RAB8B: variants seen among roughly 807,000 people sequenced by gnomAD.
RAB8B encodes ras-related protein Rab-8B.
In RAB8B, 11 loss-of-function variants were observed where a neutral mutation model predicts 32.0. The ratio of observed to expected loss-of-function variants is 0.34; its 90% CI spans 0.22 to 0.57. RAB8B has a LOEUF of 0.57. RAB8B is among the 20% of genes least tolerant of loss of function. RAB8B has a pLI of 0.86. For synonymous variants in RAB8B, 103 were observed against 89.6 expected (o/e 1.15, Z -0.85); for missense variants, 190 against 258.5 (o/e 0.73, Z 1.82).
intron 3 of RAB8B, among the ~76,000 whole-genome samples, chr15:63,253,480 G>C (rs2038133295): frequency 1.3e-5 from 2 of 152,130 alleles, no homozygotes; most frequent in African/African-American, 2.4e-5. Flanking sequence ...TGAAGTGATA[G>C]TTCTAGTACC....
At chr15:63,200,816 T>C (rs1377077947) in intron 1 of RAB8B, among the ~76,000 whole-genome samples, 1 of 152,258 alleles carries the variant, frequency 6.6e-6, no homozygotes, top group Non-Finnish European at 1.5e-5. Flanking sequence ...TGTTTTTTAA[T>C]TTCAAATCTA....
At chr15:63,216,156 CCTCT>C (rs1392183639) in intron 1 of RAB8B, among the ~76,000 whole-genome samples, 1 of 151,540 alleles carries the variant, frequency 6.6e-6, no homozygotes, top group Admixed American at 6.6e-5. Flanking sequence ...TGTGATTTCT[CCTCT>C]CTTTTAACAT....
Position 63,244,782 on chromosome 15 carries a change from G to A in RAB8B, c.151G>A (p.Glu51Lys), listed in dbSNP as rs1024618088. The A allele has an allele frequency of 6.3e-7, 1 of 1,582,144 alleles. No homozygotes were observed. Among genetic ancestry groups the A allele is most frequent in the Non-Finnish European group, 8.7e-7 (1 of 1,154,094 alleles). ...IGIDFKIRTI[E>K]LDGKKIKLQI... ...AATTGATTTTAAAATTAGAACGATA[G>A]AACTAGATGGAAAGAAAATTAAGCT... Residue 51 changes from glutamate (E) to lysine (K), a missense_variant, in exon 2 of 8, where the codon GAA becomes AAA. Coordinates refer to ENST00000321437, the MANE Select transcript of RAB8B (RefSeq NM_016530.3).
intron 2 of RAB8B, among the ~76,000 whole-genome samples, chr15:63,246,356 C>T (rs1042469986): frequency 6.6e-6 from 1 of 152,206 alleles, no homozygotes; most frequent in Non-Finnish European, 1.5e-5. Flanking sequence ...GTTGTCACCT[C>T]TACTTCTGAC....
chr15:63,259,583 CAAGT>C lies in RAB8B; in HGVS notation c.415-42_415-39del, dbSNP rs2038186816. ...AAGAAATACAAATGCATTATGTGTT[CAAGT>C]ATCTTTTGCTAAATTTAAATATTTC... On this transcript the variant is annotated intron_variant, in intron 5 of 7. Transcript: ENST00000321437. This position sits in a 1 kb window ranked among gnomAD's most constrained non-coding sequence, Gnocchi z 4.4. The C allele has an allele frequency of 6.6e-7, 1 of 1,526,624 alleles. No homozygotes were observed. The highest frequency in any genetic ancestry group is 1.4e-5 in the African/African-American group (1 of 73,048). The allele number at this position is 1,526,624 out of a possible 1,614,324, so 94.6% of individuals were successfully genotyped here.
At chr15:63,235,363 G>T (rs2037969509) in intron 1 of RAB8B, among the ~76,000 whole-genome samples, 1 of 151,924 alleles carries the variant, frequency 6.6e-6, no homozygotes, top group Non-Finnish European at 1.5e-5. Flanking sequence ...TCTAAAATTT[G>T]GTTTGGTTTT....
intron 1 of RAB8B, among the ~76,000 whole-genome samples, chr15:63,222,629 C>T (rs2037854034): frequency 6.6e-6 from 1 of 152,196 alleles, no homozygotes; most frequent in African/African-American, 2.4e-5. Context: ...CCTCCGCTTC[C>T]TGGGCGCAAG....
chr15:63,192,707 A>T (rs763859286), intron 1 of RAB8B, among the ~76,000 whole-genome samples: 2 of 152,180 alleles, frequency 1.3e-5, no homozygotes, highest in African/African-American at 2.4e-5. Context: ...CACTGTTTTG[A>T]TAGGGGTTCT....
chr15:63,218,356 A>G (rs1242395976), intron 1 of RAB8B, among the ~76,000 whole-genome samples: 1 of 152,200 alleles, frequency 6.6e-6, no homozygotes, highest in Non-Finnish European at 1.5e-5. Flanking sequence ...GTCCTTAAGA[A>G]GTGCTAGCTA....
intron 1 of RAB8B, among the ~76,000 whole-genome samples, chr15:63,190,736 C>T (rs2037549314): frequency 6.6e-6 from 1 of 152,208 alleles, no homozygotes; most frequent in Non-Finnish European, 1.5e-5. Context: ...TTACTACCAT[C>T]TCCTGAGAAG....
chr15:63,262,643 A>G, intron 6 of RAB8B, 49 bp from the exon 7 acceptor site: 3 of 560,824 alleles, frequency 5.3e-6, no homozygotes, highest in East Asian at 5.2e-5. Flanking sequence ...ATATATATAC[A>G]TATATATAGT....
chr15:63,239,846 A>T (rs1326054641), intron 1 of RAB8B, among the ~76,000 whole-genome samples: 1 of 152,196 alleles, frequency 6.6e-6, no homozygotes, highest in East Asian at 1.9e-4. Context: ...GAGAGGATGG[A>T]GTCTTCGCAT....
intron 1 of RAB8B, among the ~76,000 whole-genome samples, chr15:63,222,247 C>CACCATCTCCTCCTTTTGTCT (rs2037850628): frequency 6.6e-6 from 1 of 152,204 alleles, no homozygotes; most frequent in African/African-American, 2.4e-5. Flanking sequence ...GTTCCTATAA[C>CACCATCTCCTCCTTTTGTCT]ACCATCTCCT....
chr15:63,219,383 A>G (rs552768773), intron 1 of RAB8B, among the ~76,000 whole-genome samples: 1 of 151,874 alleles, frequency 6.6e-6, no homozygotes, highest in Non-Finnish European at 1.5e-5. Flanking sequence ...CTTTAAGCCA[A>G]TGTTTTCAAT....
intron 1 of RAB8B, among the ~76,000 whole-genome samples, chr15:63,215,242 C>T (rs2037783049): frequency 6.6e-6 from 1 of 152,158 alleles, no homozygotes. Flanking sequence ...TGAGTACTTT[C>T]ATATTAGATC....
At chr15:63,191,154 A>G (rs2037553101) in intron 1 of RAB8B, among the ~76,000 whole-genome samples, 1 of 152,210 alleles carries the variant, frequency 6.6e-6, no homozygotes, top group Non-Finnish European at 1.5e-5. Flanking sequence ...CTGGCCTCTA[A>G]TAGTGGCTTA....
At position 63,266,980 on chromosome 15, in the gene RAB8B, C is replaced by T. The variant is rs1450666318; in HGVS notation, c.*3361C>T. ...GGTTAATTATTATAAATTTTAAGCA[C>T]TCATTTCTGCAATCAGGTTTCTCAG... On this transcript the variant is annotated 3_prime_UTR_variant, in exon 8 of 8. Coordinates refer to ENST00000321437, the MANE Select transcript of RAB8B (RefSeq NM_016530.3). 1 of 152,480 alleles carries T rather than the reference C, an allele frequency of 6.6e-6. No homozygotes were observed. The highest frequency in any genetic ancestry group is 6.6e-5 in the Admixed American group (1 of 15,264). The allele number at this position is 152,480 out of a possible 1,614,324, so 9.4% of individuals were successfully genotyped here.
chr15:63,241,273 C>G (rs993402145), intron 1 of RAB8B, among the ~76,000 whole-genome samples: 4 of 152,176 alleles, frequency 2.6e-5, no homozygotes, highest in South Asian at 2.1e-4. Flanking sequence ...CGCTTGAACC[C>G]AAGAGGCGAA....
chr15:63,255,409 C>T, intron 3 of RAB8B, 98 bp from the exon 4 acceptor site: 1 of 766,518 alleles, frequency 1.3e-6, no homozygotes, highest in Non-Finnish European at 1.9e-6. Flanking sequence ...AAAAAATGGA[C>T]AAACAAAAGG....
Sources: allele counts gnomAD v4.1 joint callset (sites outside exome capture counted in the v4.1 genomes callset), GRCh38; gene constraint gnomAD v4.1.1; non-coding constraint Gnocchi (gnomAD v3.1); transcripts MANE v1.5; gene names NCBI Gene and HGNC (gene_info 2026-07-23, HGNC 2026-07-21).